ZSWIM8: variants seen among roughly 807,000 people sequenced by gnomAD.
ZSWIM8 encodes zinc finger SWIM domain-containing protein 8.
A neutral mutation model predicts 173.7 loss-of-function variants in ZSWIM8; 27 were observed. That is an observed-to-expected ratio of 0.16 (90% CI 0.11 to 0.21). The LOEUF (loss-of-function observed/expected upper bound fraction) is 0.21. ZSWIM8 is among the 10% of genes least tolerant of loss of function. The pLI, the probability that ZSWIM8 is intolerant of heterozygous loss-of-function variation, is 1.00. For synonymous variants in ZSWIM8, 958 were observed against 962.0 expected, an observed-to-expected ratio of 1.00 and a Z score of 0.08; for missense variants, 1,627 against 2,428.8, an observed-to-expected ratio of 0.67 and a Z score of 6.94.
Position 73,793,710 on chromosome 10 carries a change from C to G in ZSWIM8, c.2436C>G (p.Pro812=). The change falls in exon 11 of 26, where the codon CCC becomes CCG. Residue 812 remains proline (P), a synonymous_variant. Transcript: ENST00000604729. ...CACCCGACCTCAAGGTAGAGCCGCCCCCTGCCAAGGTGAGAGACCCCCTTC... is the reference window on the plus strand; with the variant it reads ...CACCCGACCTCAAGGTAGAGCCGCCGCCTGCCAAGGTGAGAGACCCCCTTC... The part of the protein sequence containing the change: ...ANPPDLKVEP[P]PAKGKKNKVS... 6.2e-7 allele frequency: 1 copy of G among 1,609,538 alleles called. No homozygotes were observed. The highest frequency in any genetic ancestry group is 8.5e-7 in the Non-Finnish European group (1 of 1,177,612).
rs1259316379 is a variant in ZSWIM8, at chr10:73,795,653, A to G, written c.3023A>G (p.Lys1008Arg). 1.2e-6 allele frequency: 2 copies of G among 1,612,984 alleles called. No homozygotes were observed. The highest frequency in any genetic ancestry group is 2.2e-5 in the South Asian group (2 of 91,078). ...ATCACTTACAAGGACGACCAGGCCA[A>G]GCTTAAGAAGGTAAGAGACTGGGGC... Reference protein sequence around the residue: ...LMITYKDDQAKLKKILDKLLD... With the variant: ...LMITYKDDQARLKKILDKLLD... The change falls in exon 15 of 26, where the codon AAG (lysine) becomes AGG (arginine). Residue 1008 changes from lysine (K) to arginine (R), a missense_variant. Physicochemically the swap from Lys to Arg is conservative, Grantham distance 26. This residue lies in a region of ZSWIM8 where 163 missense variants were observed against 193.2 expected (regional missense o/e 0.84). Coordinates refer to ENST00000604729, the MANE Select transcript of ZSWIM8 (RefSeq NM_001367799.1).
chr10:73,798,811 C>G (rs1274739920), intron 20 of ZSWIM8, among the ~76,000 whole-genome samples, 191 bp from the exon 21 acceptor site: 1 of 152,176 alleles, frequency 6.6e-6, no homozygotes, highest in Non-Finnish European at 1.5e-5. Flanking sequence ...TGGGTCTTGA[C>G]TCATTTTGGT....
At position 73,799,145 on chromosome 10, in the gene ZSWIM8, T is replaced by C. The variant is rs1401497332; in HGVS notation, c.4320T>C (p.Arg1440=). 1.2e-6 allele frequency: 2 copies of C among 1,612,866 alleles called. No homozygotes were observed. Among genetic ancestry groups the C allele is most frequent in the African/African-American group, 2.7e-5 (2 of 74,862 alleles). ...CTGCAGGTGGCTCATCCACAGCCCG[T>C]GAAGGGGCTACAAGCTGTAGTGCCA... ...EQTAGGSSTA[R]EGATSCSASG... The change falls in exon 21 of 26, where the codon CGT becomes CGC. Residue 1440 remains arginine, a synonymous_variant. Transcript: ENST00000604729.
chr10:73,796,413 GA>G, intron 15 of ZSWIM8: 1 of 407,456 alleles, frequency 2.5e-6, no homozygotes, highest in Non-Finnish European at 4.6e-6. Flanking sequence ...GGTAAGTAGG[GA>G]ATCTTGGGGA....
rs1034073552 is a variant in ZSWIM8 at position 73,792,773 on chromosome 10, A to T, written c.2234A>T (p.Glu745Val). The T allele has an allele frequency of 1.9e-6, 3 of 1,610,780 alleles. No individual in the cohort carries two copies. The highest frequency in any genetic ancestry group is 2.5e-6 in the Non-Finnish European group (3 of 1,179,608). Reference protein sequence around the residue: ...NAQDGAGGEEEKAEGGAGEEH... With the variant: ...NAQDGAGGEEVKAEGGAGEEH... Reference sequence around the variant, plus strand: ...CAGGATGGGGCTGGGGGCGAGGAAGAGAAGGCCGAGGGCGGGGCTGGGGAG... The same window carrying T: ...CAGGATGGGGCTGGGGGCGAGGAAGTGAAGGCCGAGGGCGGGGCTGGGGAG... Residue 745 changes from glutamate to valine, a missense_variant, in exon 10 of 26, where the codon GAG becomes GTG. Around this residue, in one of 18 missense-constraint regions of ZSWIM8, gnomAD observed 383 missense variants for 394.8 expected, o/e 0.97. Transcript: ENST00000604729. This position sits in a 1 kb window ranked among gnomAD's most constrained non-coding sequence, Gnocchi z 4.3.
At position 73,795,633 on chromosome 10, in the gene ZSWIM8, T is replaced by A. The variant is rs1015970036; in HGVS notation, c.3003T>A (p.Thr1001=). 6.2e-6 allele frequency: 10 copies of A among 1,613,600 alleles called. No homozygotes were observed. The highest frequency in any genetic ancestry group is 8.5e-6 in the Non-Finnish European group (10 of 1,179,828). Residue 1001 remains threonine (T), a synonymous_variant, in exon 15 of 26, where the codon ACT becomes ACA. Transcript: ENST00000604729. ...KGDLALALMI[T]YKDDQAKLKK... The stretch of plus-strand genomic sequence containing the variant: ...ACCTGGCATTAGCACTAATGATCAC[T>A]TACAAGGACGACCAGGCCAAGCTTA...
In ZSWIM8 at chr10:73,801,172, C is replaced by T. The variant is rs1347711065; in HGVS notation, c.5278C>T (p.Arg1760Cys). 3.8e-6 allele frequency: 6 copies of T among 1,598,738 alleles called. No homozygotes were observed. Among genetic ancestry groups the T allele is most frequent in the African/African-American group, 1.3e-5 (1 of 74,632 alleles). ...CCCGGCCTTCCACCAACTGGTGCAG[C>T]GCTGCCAGCAGGCATACATGCAGGT... ...RAPAFHQLVQ[R>C]CQQAYMQYIH... Residue 1760 changes from arginine (R) to cysteine (C), a missense_variant, in exon 25 of 26, where the codon CGC becomes TGC. Coordinates refer to ENST00000604729, the MANE Select transcript of ZSWIM8 (RefSeq NM_001367799.1). The surrounding 1 kb of genome is among the most constrained non-coding windows in gnomAD (Gnocchi z 4.9).
chr10:73,785,796 C>T lies in ZSWIM8; in HGVS notation c.-83C>T. The T allele has an allele frequency of 7.0e-7, 1 of 1,427,598 alleles. No homozygotes were observed. The highest frequency in any genetic ancestry group is 1.3e-5 in the South Asian group (1 of 76,138). 88.4% of individuals were successfully genotyped at this position (1,427,598 alleles called of 1,614,324 possible). A position where few individuals can be genotyped will look rare whatever the true frequency, so the allele number is the denominator to read the frequency against. On this transcript the variant is annotated 5_prime_UTR_variant, in exon 1 of 26. Transcript: ENST00000604729. ...CCCAGCCCCGGCTCGCCCCTCAGGCCCCGGGCCTCCCCTCAACCCCCGGCC... is the reference window on the plus strand; with the variant it reads ...CCCAGCCCCGGCTCGCCCCTCAGGCTCCGGGCCTCCCCTCAACCCCCGGCC...
rs1226157438 is a variant in ZSWIM8, at chr10:73,795,627, G to T, written c.2997G>T (p.Met999Ile). Residue 999 changes from methionine to isoleucine, a missense_variant, in exon 15 of 26, where the codon ATG becomes ATT. Transcript: ENST00000604729. Reference protein sequence around the residue: ...REKGDLALALMITYKDDQAKL... With the variant: ...REKGDLALALIITYKDDQAKL... ...AGGGTGACCTGGCATTAGCACTAAT[G>T]ATCACTTACAAGGACGACCAGGCCA... The T allele has an allele frequency of 6.2e-7, 1 of 1,613,742 alleles. No individual in the cohort carries two copies.
Position 73,801,339 on chromosome 10 carries a change from C to T in ZSWIM8, c.5325C>T (p.His1775=), listed in dbSNP as rs1431109911. ...YMQYIHHRLI[H]LTPADYDDFV... ...AGTACATCCACCACCGCTTGATTCA[C>T]CTGACTCCTGCGGACTACGACGACT... Residue 1775 remains histidine (H), a synonymous_variant, in exon 26 of 26, where the codon CAC becomes CAT. Transcript: ENST00000604729. This position sits in a 1 kb window ranked among gnomAD's most constrained non-coding sequence, Gnocchi z 4.9. 1 of 1,613,954 alleles carries T rather than the reference C, an allele frequency of 6.2e-7. No individual in the cohort carries two copies. The highest frequency in any genetic ancestry group is 1.7e-5 in the Admixed American group (1 of 60,020).
chr10:73,786,267 A>G, intron 1 of ZSWIM8, 181 bp downstream of exon 1: 1 of 664,356 alleles, frequency 1.5e-6, no homozygotes, highest in Non-Finnish European at 2.3e-6. Flanking sequence ...AACAGACTTC[A>G]GAACTCGCTT....
chr10:73,789,655 C>T lies in ZSWIM8; in HGVS notation c.631-62C>T. 1 of 1,548,758 alleles carries T rather than the reference C, an allele frequency of 6.5e-7. No homozygotes were observed. Among genetic ancestry groups the T allele is most frequent in the South Asian group, 1.2e-5 (1 of 84,474 alleles). ...CTCGCCTACTCTGCCTCTCTGTCCC[C>T]CAGCTCCAGCTCCAGCAAACCTGTT... On this transcript the variant is annotated intron_variant, in intron 4 of 25. Coordinates refer to ENST00000604729, the MANE Select transcript of ZSWIM8 (RefSeq NM_001367799.1). This position sits in a 1 kb window ranked among gnomAD's most constrained non-coding sequence, Gnocchi z 6.8.
chr10:73,801,715 C>T lies in ZSWIM8; in HGVS notation c.*196C>T, dbSNP rs965204115. 4.6e-6 allele frequency: 7 copies of T among 1,531,750 alleles called. No homozygotes were observed. The African/African-American group carries it at 8.2e-5, about 18-fold the overall frequency. The allele number at this position is 1,531,750 out of a possible 1,614,324, so 94.9% of individuals were successfully genotyped here. A position where few individuals can be genotyped will look rare whatever the true frequency, so the allele number is the denominator to read the frequency against. ...AGAAGCCTAGGGCTGGGGGAGACAGCCCTGTCTGGGAGGGGGCGTTGGGTG... is the reference window on the plus strand; with the variant it reads ...AGAAGCCTAGGGCTGGGGGAGACAGTCCTGTCTGGGAGGGGGCGTTGGGTG... On this transcript the variant is annotated 3_prime_UTR_variant, in exon 26 of 26. Transcript: ENST00000604729. The surrounding 1 kb of genome is among the most constrained non-coding windows in gnomAD (Gnocchi z 4.9).
intron 11 of ZSWIM8, 34 bp downstream of exon 11, chr10:73,793,753 C>A: frequency 6.3e-7 from 1 of 1,576,048 alleles, no homozygotes; most frequent in Non-Finnish European, 8.6e-7. Flanking sequence ...TTCCCCTCCC[C>A]CACTTACCCC....
At position 73,792,605 on chromosome 10, in the gene ZSWIM8, C is replaced by G. The variant is rs756454077; in HGVS notation, c.2066C>G (p.Pro689Arg). The G allele has an allele frequency of 2.5e-6, 4 of 1,614,028 alleles. No homozygotes were observed. The highest frequency in any genetic ancestry group is 3.4e-6 in the Non-Finnish European group (4 of 1,179,864). The change falls in exon 10 of 26, where the codon CCT becomes CGT. Residue 689 changes from proline (P) to arginine (R), a missense_variant. Around this residue, in one of 18 missense-constraint regions of ZSWIM8, gnomAD observed 383 missense variants for 394.8 expected, o/e 0.97. Transcript: ENST00000604729. This position sits in a 1 kb window ranked among gnomAD's most constrained non-coding sequence, Gnocchi z 4.3. ...PEPPTASVGP[P>R]GLLPGDVCTQ... ...CCTCCCACAGCCTCTGTTGGCCCCC[C>G]TGGCCTACTGCCTGGGGATGTCTGT... is the stretch of plus-strand genomic sequence containing the variant.
rs1565078760 is a variant in ZSWIM8, at chr10:73,794,225, A to G, written c.2704A>G (p.Met902Val). Reference protein sequence around the residue: ...IPLGPSEMSTMRCRAEELREG... With the variant: ...IPLGPSEMSTVRCRAEELREG... The stretch of plus-strand genomic sequence containing the variant: ...TCTGGGTCCAAGTGAGATGAGTACC[A>G]TGCGGTGCCGGGCAGAGGAACTTCG... Residue 902 changes from methionine to valine, a missense_variant, in exon 13 of 26, where the codon ATG becomes GTG. Physicochemically the swap from Met to Val is conservative, Grantham distance 21. Around this residue, in one of 18 missense-constraint regions of ZSWIM8, gnomAD observed 169 missense variants for 235.3 expected, o/e 0.72. Coordinates refer to ENST00000604729, the MANE Select transcript of ZSWIM8 (RefSeq NM_001367799.1). 2 of 1,613,900 alleles carry G rather than the reference A, an allele frequency of 1.2e-6. No individual in the cohort carries two copies. Among genetic ancestry groups the G allele is most frequent in the Non-Finnish European group, 1.7e-6 (2 of 1,179,900 alleles).
chr10:73,789,274 G>A lies in ZSWIM8; in HGVS notation c.457+84G>A. The A allele has an allele frequency of 6.2e-7, 1 of 1,602,074 alleles. No individual in the cohort carries two copies. Among genetic ancestry groups the A allele is most frequent in the South Asian group, 1.1e-5 (1 of 89,998 alleles). ...AGTAAGAACACACCGCAAGAAGCTGGAGCATGTTGTCTGAATAACTGCAGG... is the reference window on the plus strand; with the variant it reads ...AGTAAGAACACACCGCAAGAAGCTGAAGCATGTTGTCTGAATAACTGCAGG... On this transcript the variant is annotated intron_variant, in intron 3 of 25. Coordinates refer to ENST00000604729, the MANE Select transcript of ZSWIM8 (RefSeq NM_001367799.1). This position sits in a 1 kb window ranked among gnomAD's most constrained non-coding sequence, Gnocchi z 6.8.
In ZSWIM8 at chr10:73,791,863, C is replaced by T. The variant is rs773077663; in HGVS notation, c.1324C>T (p.Arg442Trp). 1.2e-5 allele frequency: 18 copies of T among 1,513,450 alleles called. No homozygotes were observed. Among genetic ancestry groups the T allele is most frequent in the East Asian group, 2.5e-5 (1 of 40,374 alleles). 93.8% of individuals were successfully genotyped at this position (1,513,450 alleles called of 1,614,324 possible). A position where few individuals can be genotyped will look rare whatever the true frequency, so the allele number is the denominator to read the frequency against. ...LDPALSPQRR[R>W]ELCTQLRQWQ... is the part of the protein sequence containing the mutation. ...TCCTGCCCCTTGTTCCCACAGGCGCCGGGAACTGTGTACGCAGCTGCGGCA... is the reference window on the plus strand; with the variant it reads ...TCCTGCCCCTTGTTCCCACAGGCGCTGGGAACTGTGTACGCAGCTGCGGCA... The change falls in exon 10 of 26, where the codon CGG becomes TGG. Residue 442 changes from arginine (R) to tryptophan (W), a missense_variant. Physicochemically the swap from Arg to Trp is moderately radical, Grantham distance 101. Around this residue, in one of 18 missense-constraint regions of ZSWIM8, gnomAD observed 103 missense variants for 155.6 expected, o/e 0.66. Coordinates refer to ENST00000604729, the MANE Select transcript of ZSWIM8 (RefSeq NM_001367799.1). The surrounding 1 kb of genome is among the most constrained non-coding windows in gnomAD (Gnocchi z 6.0).
chr10:73,793,727 AC>A lies in ZSWIM8; in HGVS notation c.2445+13del. ...GAGCCGCCCCCTGCCAAGGTGAGAG[AC>A]CCCCTTCCTCTACCTTCCCCTCCCC... On this transcript the variant is annotated intron_variant, in intron 11 of 25. Transcript: ENST00000604729. 1 of 1,500,744 alleles carries A rather than the reference AC, an allele frequency of 6.7e-7. No individual in the cohort carries two copies. The allele number at this position is 1,500,744 out of a possible 1,614,324, so 93.0% of individuals were successfully genotyped here.
Sources: allele counts gnomAD v4.1 joint callset (sites outside exome capture counted in the v4.1 genomes callset), GRCh38; gene constraint gnomAD v4.1.1; regional missense constraint gnomAD v4.1.1; non-coding constraint Gnocchi (gnomAD v3.1); transcripts MANE v1.5; gene names NCBI Gene and HGNC (gene_info 2026-07-23, HGNC 2026-07-21).